Variants in SLC35D4 observed in about 807,000 individuals in gnomAD.
The protein encoded by SLC35D4 is UDP-N-acetylglucosamine transporter SLC35D4.
chr18:23,299,636 C>T, the SLC35D4 span, among the ~76,000 whole-genome samples: 228 of 152,308 alleles, frequency 1.5e-3, no homozygotes, highest in African/African-American at 4.1e-3. Context: ...AGCTGCTCTC[C>T]GGAGCAAGAG....
At chr18:23,387,917 T>A in the SLC35D4 span, among the ~76,000 whole-genome samples, 1 of 152,224 alleles carries the variant, frequency 6.6e-6, no homozygotes, top group African/African-American at 2.4e-5. Context: ...AGATTACATA[T>A]TTTAAAGTTG....
the SLC35D4 span, among the ~76,000 whole-genome samples, chr18:23,308,243 GA>G: frequency 2.0e-5 from 3 of 152,304 alleles, no homozygotes; most frequent in East Asian, 5.8e-4. Context: ...GACAGGCCCA[GA>G]AGCCCTGAGG....
the SLC35D4 span, among the ~76,000 whole-genome samples, chr18:23,380,657 A>G: frequency 1.3e-5 from 2 of 152,222 alleles, no homozygotes; most frequent in African/African-American, 4.8e-5. Context: ...TTTCATAGGT[A>G]CTTGATAAAT....
the SLC35D4 span, among the ~76,000 whole-genome samples, chr18:23,418,960 A>C: frequency 2.0e-5 from 3 of 151,784 alleles, no homozygotes; most frequent in Non-Finnish European, 4.4e-5. Flanking sequence ...GTGAGCTGAG[A>C]TCGCGCCACT....
chr18:23,360,190 T>C, the SLC35D4 span, among the ~76,000 whole-genome samples: 1 of 152,224 alleles, frequency 6.6e-6, no homozygotes, highest in Non-Finnish European at 1.5e-5. Flanking sequence ...AACTCTCACA[T>C]ACTGCTGGGT....
At chr18:23,345,568 A>T in the SLC35D4 span, among the ~76,000 whole-genome samples, 2 of 150,508 alleles carry the variant, frequency 1.3e-5, no homozygotes, top group Non-Finnish European at 2.9e-5. Context: ...ATAAATGCCT[A>T]TCCCTACACC....
At chr18:23,280,080 A>G in the SLC35D4 span, among the ~76,000 whole-genome samples, 5 of 152,262 alleles carry the variant, frequency 3.3e-5, no homozygotes, top group Admixed American at 6.5e-5. Flanking sequence ...ATTCAGGAAG[A>G]GGAAGAAGTG....
the SLC35D4 span, chr18:23,259,754 G>A: frequency 3.3e-5 from 5 of 152,260 alleles, no homozygotes; most frequent in Admixed American, 2.6e-4. Context: ...GGGCTTCGGC[G>A]AGGAGGAAGT....
At chr18:23,341,459 A>C in the SLC35D4 span, among the ~76,000 whole-genome samples, 1 of 152,210 alleles carries the variant, frequency 6.6e-6, no homozygotes. Context: ...GGAGCAGTGA[A>C]GAAGGCCCCT....
the SLC35D4 span, chr18:23,365,624 G>A: frequency 3.1e-6 from 5 of 1,613,212 alleles, no homozygotes; most frequent in African/African-American, 5.3e-5. Context: ...AACACTCCGG[G>A]GGCATTTACC....
At chr18:23,411,507 AAGAAAG>A in the SLC35D4 span, among the ~76,000 whole-genome samples, 4 of 149,132 alleles carry the variant, frequency 2.7e-5, no homozygotes, top group African/African-American at 9.9e-5. Context: ...GAAAGAAAGA[AAGAAAG>A]AAAGAAAGAA....
the SLC35D4 span, among the ~76,000 whole-genome samples, chr18:23,317,180 CA>C: frequency 2.8e-4 from 40 of 143,124 alleles, no homozygotes; most frequent in African/African-American, 9.6e-4. Flanking sequence ...CACACACACA[CA>C]CCCCACTAAT....
the SLC35D4 span, among the ~76,000 whole-genome samples, chr18:23,357,985 G>A: frequency 8.5e-5 from 13 of 152,188 alleles, no homozygotes; most frequent in Admixed American, 1.3e-4. Context: ...GACAACATCA[G>A]TTGTCATTTA....
the SLC35D4 span, among the ~76,000 whole-genome samples, chr18:23,329,222 A>C: frequency 6.6e-6 from 1 of 152,214 alleles, no homozygotes; most frequent in South Asian, 2.1e-4. Flanking sequence ...TAATTAAACT[A>C]AAGAGCTTCT....
chr18:23,406,722 T>A, the SLC35D4 span, among the ~76,000 whole-genome samples: 1 of 152,238 alleles, frequency 6.6e-6, no homozygotes, highest in East Asian at 1.9e-4. Context: ...TCTCTAAGCC[T>A]CCTCTGGTTC....
chr18:23,274,139 T>C, the SLC35D4 span, among the ~76,000 whole-genome samples: 2 of 152,172 alleles, frequency 1.3e-5, no homozygotes, highest in African/African-American at 4.8e-5. Context: ...TCTCACTCTG[T>C]TATCTATTCT....
chr18:23,329,987 G>A, the SLC35D4 span, among the ~76,000 whole-genome samples: 1 of 152,166 alleles, frequency 6.6e-6, no homozygotes, highest in African/African-American at 2.4e-5. Flanking sequence ...TCTCAGGTGG[G>A]AACTGAACAA....
the SLC35D4 span, among the ~76,000 whole-genome samples, chr18:23,354,874 G>A: frequency 6.0e-5 from 9 of 150,808 alleles, no homozygotes; most frequent in East Asian, 1.4e-3. Context: ...CATTACTCAT[G>A]GATCTCTTAT....
the SLC35D4 span, among the ~76,000 whole-genome samples, chr18:23,330,467 T>G: frequency 6.6e-6 from 1 of 152,172 alleles, no homozygotes; most frequent in Admixed American, 6.5e-5. Flanking sequence ...AGTCACAAGT[T>G]AAGGGGAAAG....
Sources: gnomAD v4.1 joint callset for allele counts (sites outside exome capture counted in the v4.1 genomes callset) on GRCh38, gnomAD v4.1.1 for gene constraint, MANE v1.5 for transcripts, NCBI Gene and HGNC (gene_info 2026-07-23, HGNC 2026-07-21) for gene names.